LMNA: variants seen among roughly 807,000 people sequenced by gnomAD.
LMNA encodes the protein lamin A/C.
In LMNA, 20 loss-of-function variants were observed where a neutral mutation model predicts 70.4. The observed-to-expected ratio is 0.28, with a 90% confidence interval of 0.20 to 0.41. LMNA has a LOEUF of 0.41. Among genes scored for constraint, LMNA ranks in the 10% least tolerant of loss-of-function variants. The probability of loss-of-function intolerance (pLI) is 1.00; values close to 1 mark genes in which losing one functional copy is unlikely to be tolerated. For synonymous variants in LMNA, 339 were observed against 372.8 expected (o/e 0.91, Z 1.04); for missense variants, 652 against 917.2 (o/e 0.71, Z 3.73).
chr1:156,133,037 A>G (rs1287837538), intron 2 of LMNA, among the ~76,000 whole-genome samples: 1 of 151,210 alleles, frequency 6.6e-6, no homozygotes, highest in African/African-American at 2.4e-5. Flanking sequence ...ACAGGGTTTC[A>G]CCATGTTGGT....
chr1:156,118,951 C>G (rs1650014867), intron 1 of LMNA, among the ~76,000 whole-genome samples: 1 of 152,034 alleles, frequency 6.6e-6, no homozygotes, highest in Admixed American at 6.6e-5. Context: ...TACTCTCTCT[C>G]TCTTCTTTTT....
intron 3 of LMNA, among the ~76,000 whole-genome samples, chr1:156,098,869 C>G (rs1649039280): frequency 6.6e-6 from 1 of 152,224 alleles, no homozygotes; most frequent in African/African-American, 2.4e-5. Context: ...ACATAAACTT[C>G]CAGTATGCTT....
At chr1:156,109,818 G>GTGTGTGTGTGTATATA (rs1553261281), upstream of LMNA, 7 of 131,770 alleles carry the variant, frequency 5.3e-5, no homozygotes, top group East Asian at 2.1e-4. Flanking sequence ...GTGTGTGTGT[G>GTGTGTGTGTGTATATA]CATATATATA....
intron 1 of LMNA, chr1:156,126,872 C>G: frequency 6.2e-7 from 1 of 1,611,778 alleles, no homozygotes; most frequent in Non-Finnish European, 8.5e-7. Flanking sequence ...GCTGGCACAG[C>G]ACCCGGCCTG....
intron 1 of LMNA, chr1:156,126,510 C>T (rs750079785): frequency 2.2e-5 from 15 of 682,536 alleles, no homozygotes; most frequent in Non-Finnish European, 3.0e-5. Flanking sequence ...GCGCCTGGCC[C>T]GGTGCCCACC....
chr1:156,134,694 C>G lies in LMNA; in HGVS notation c.640-111C>G. 6.5e-7 allele frequency: 1 copy of G among 1,547,936 alleles called. No homozygotes were observed. The highest frequency in any genetic ancestry group is 1.1e-5 in the South Asian group (1 of 88,950). On this transcript the variant is annotated intron_variant, in intron 3 of 11. Transcript: ENST00000368300. The surrounding 1 kb of genome is among the most constrained non-coding windows in gnomAD (Gnocchi z 5.3). Reference sequence around the variant, plus strand: ...ACTCAGCTCCCAGGTTAAAGTGGGGCTGGTAGTGGCTCATGGAGTAGGGCT... The same window carrying G: ...ACTCAGCTCCCAGGTTAAAGTGGGGGTGGTAGTGGCTCATGGAGTAGGGCT...
At chr1:156,114,597 T>A, upstream of LMNA, 3 of 168,076 alleles carry the variant, frequency 1.8e-5, no homozygotes, top group Middle Eastern at 2.4e-3. Context: ...TTCCCCCTCC[T>A]CACCACTCCC....
At chr1:156,111,708 C>T (rs1296024827), upstream of LMNA, among the ~76,000 whole-genome samples, 1 of 152,218 alleles carries the variant, frequency 6.6e-6, no homozygotes, top group Non-Finnish European at 1.5e-5. Context: ...CTCTTGCACA[C>T]CCAGGAGCTC....
intron 2 of LMNA, among the ~76,000 whole-genome samples, chr1:156,086,669 C>T (rs1191597842): frequency 3.9e-5 from 6 of 152,204 alleles, no homozygotes; most frequent in Non-Finnish European, 4.4e-5. Context: ...GAGACAGAGT[C>T]TCGCTCTGTT....
In LMNA at chr1:156,137,792, C is replaced by T. The variant is rs1371631399; in HGVS notation, c.1698+49C>T. ...CCGAGCCTGCACTGGGGCCACCCAG[C>T]CAGGCCTGGGGGCAGCCTCTCCCCA... On this transcript the variant is annotated intron_variant, in intron 10 of 11. Transcript: ENST00000368300. This position sits in a 1 kb window ranked among gnomAD's most constrained non-coding sequence, Gnocchi z 4.6. The T allele has an allele frequency of 1.9e-6, 3 of 1,547,860 alleles. No homozygotes were observed. Among genetic ancestry groups the T allele is most frequent in the Non-Finnish European group, 1.7e-6 (2 of 1,146,888 alleles).
chr1:156,109,981 G>A (rs564787854), upstream of LMNA, among the ~76,000 whole-genome samples: 17 of 151,926 alleles, frequency 1.1e-4, no homozygotes, highest in Non-Finnish European at 2.2e-4. Context: ...CTGGGTAGCT[G>A]GGACTAGAGG....
intron 3 of LMNA, among the ~76,000 whole-genome samples, chr1:156,095,183 C>T (rs1648888308): frequency 6.6e-6 from 1 of 152,132 alleles, no homozygotes; most frequent in African/African-American, 2.4e-5. Context: ...TCCTCCTCAG[C>T]CTCCCAAAGT....
In LMNA at chr1:156,136,462, G is replaced by T; in HGVS notation, c.1380+26G>T. Reference sequence around the variant, plus strand: ...GTAGGCTCCTGCTCAGGGTCTAAGGGGATACAGCTGCATCAGGGAGAGAGT... The same window carrying T: ...GTAGGCTCCTGCTCAGGGTCTAAGGTGATACAGCTGCATCAGGGAGAGAGT... On this transcript the variant is annotated intron_variant, in intron 7 of 11. Coordinates refer to ENST00000368300, the MANE Select transcript of LMNA (RefSeq NM_170707.4). This position sits in a 1 kb window ranked among gnomAD's most constrained non-coding sequence, Gnocchi z 6.1. 2 of 1,543,854 alleles carry T rather than the reference G, an allele frequency of 1.3e-6. No individual in the cohort carries two copies. Among genetic ancestry groups the T allele is most frequent in the South Asian group, 1.2e-5 (1 of 84,546 alleles).
chr1:156,124,320 G>A (rs981998007), intron 1 of LMNA, among the ~76,000 whole-genome samples: 6 of 151,378 alleles, frequency 4.0e-5, no homozygotes, highest in African/African-American at 1.5e-4. Context: ...ATGGAGTCTC[G>A]CTCTGTTGCC....
intron 2 of LMNA, among the ~76,000 whole-genome samples, chr1:156,133,586 A>C (rs1319791873): frequency 2.6e-5 from 4 of 151,980 alleles, no homozygotes; most frequent in African/African-American, 9.7e-5. Context: ...AAAAATAAAA[A>C]TAAAAAAAAG....
intron 2 of LMNA, chr1:156,090,327 G>A (rs1648649220): frequency 1.3e-5 from 2 of 152,168 alleles, no homozygotes; most frequent in South Asian, 2.1e-4. Flanking sequence ...CAGAGAACCC[G>A]AGTCCTGTGA....
chr1:156,084,329 G>GT (rs1648393646), intron 2 of LMNA, among the ~76,000 whole-genome samples: 2 of 10,796 alleles, frequency 1.9e-4, no homozygotes, highest in African/African-American at 7.0e-4. Context: ...TCAGAAGGTC[G>GT]GGGGGTGGTG....
At chr1:156,100,840 CTCTAATGGGGGAAGACA>C in intron 3 of LMNA, among the ~76,000 whole-genome samples, 1 of 152,270 alleles carries the variant, frequency 6.6e-6, no homozygotes, top group South Asian at 2.1e-4. Flanking sequence ...TGAGGAGTCC[CTCTAATGGGGGAAGACA>C]CACATACACA....
intron 1 of LMNA, chr1:156,126,843 G>T: frequency 6.2e-7 from 1 of 1,612,122 alleles, no homozygotes; most frequent in East Asian, 2.2e-5. Context: ...GAGGATGCAA[G>T]GGAAAGGACT....
Sources: gnomAD v4.1 joint callset for allele counts (sites outside exome capture counted in the v4.1 genomes callset) on GRCh38, gnomAD v4.1.1 for gene constraint, Gnocchi (gnomAD v3.1) non-coding constraint, MANE v1.5 for transcripts, NCBI Gene and HGNC (gene_info 2026-07-23, HGNC 2026-07-21) for gene names.